Variants in CTNNA2 observed in about 807,000 individuals in gnomAD.
CTNNA2 encodes the protein catenin alpha 2.
A neutral mutation model predicts 101.0 loss-of-function variants in CTNNA2; 42 were observed. The ratio of observed to expected loss-of-function variants is 0.42; its 90% CI spans 0.32 to 0.54. The LOEUF (loss-of-function observed/expected upper bound fraction) is 0.54. Among genes scored for constraint, CTNNA2 ranks in the 20% least tolerant of loss-of-function variants. The pLI, the probability that CTNNA2 is intolerant of heterozygous loss-of-function variation, is 0.14. For synonymous variants in CTNNA2, 450 were observed against 456.4 expected (o/e 0.99, Z 0.18); for missense variants, 871 against 1,223.1 (o/e 0.71, Z 4.29).
chr2:80,174,573 C>G (rs1705280212), intron 7 of CTNNA2, among the ~76,000 whole-genome samples: 2 of 152,164 alleles, frequency 1.3e-5, no homozygotes, highest in Non-Finnish European at 2.9e-5. Context: ...GGTTGCTATT[C>G]TGAGTTCCTA....
At chr2:79,510,383 A>G (rs182307142), upstream of CTNNA2, among the ~76,000 whole-genome samples, 10 of 152,336 alleles carry the variant, frequency 6.6e-5, no homozygotes, top group East Asian at 1.9e-3. Context: ...TTAGTTTACA[A>G]TGGGGACAAA....
chr2:80,452,597 T>A (rs2149458930), intron 9 of CTNNA2, among the ~76,000 whole-genome samples: 1 of 151,746 alleles, frequency 6.6e-6, no homozygotes, highest in Non-Finnish European at 1.5e-5. Flanking sequence ...AAGCCCCTGA[T>A]GCTGGCTGGC....
chr2:79,689,327 G>C lies in CTNNA2; in HGVS notation c.102+37669G>C, dbSNP rs1849048. Among the ~76,000 whole-genome samples, 101 of 151,784 alleles carry C rather than the reference G, an allele frequency of 6.7e-4. 1 individual carries two copies. The highest frequency in any genetic ancestry group is 1.3e-4 in the Non-Finnish European group (9 of 67,862). ...TAGACATGGTTAAAGGCAGATTATC[G>C]TTGGAAAATAGAATCTGTCACAAGA... On this transcript the variant is annotated intron_variant, in intron 2 of 18. Coordinates refer to ENST00000402739, the MANE Select transcript of CTNNA2 (RefSeq NM_001282597.3).
intron 1 of CTNNA2, among the ~76,000 whole-genome samples, chr2:79,610,054 T>C (rs1573470020): frequency 6.6e-6 from 1 of 152,230 alleles, no homozygotes; most frequent in East Asian, 1.9e-4. Context: ...GTCCAGAATG[T>C]ATAAGGAACT....
chr2:79,748,023 C>T (rs1221194244), intron 3 of CTNNA2, among the ~76,000 whole-genome samples: 5 of 152,190 alleles, frequency 3.3e-5, no homozygotes, highest in Non-Finnish European at 7.4e-5. Context: ...GCACATGCCT[C>T]TCAGGTGTGA....
At chr2:79,716,083 A>G (rs75115575) in intron 2 of CTNNA2, among the ~76,000 whole-genome samples, 2 of 152,204 alleles carry the variant, frequency 1.3e-5, no homozygotes, top group South Asian at 2.1e-4. Flanking sequence ...CCACAGGGAT[A>G]TGCTCCACCT....
chr2:79,909,272 A>G (rs1309015420), intron 6 of CTNNA2, among the ~76,000 whole-genome samples: 1 of 152,220 alleles, frequency 6.6e-6, no homozygotes, highest in Non-Finnish European at 1.5e-5. Flanking sequence ...TTACACTGAA[A>G]TGTTCTTTCC....
At chr2:79,797,349 G>A (rs146227982) in intron 3 of CTNNA2, among the ~76,000 whole-genome samples, 18 of 152,188 alleles carry the variant, frequency 1.2e-4, no homozygotes, top group African/African-American at 4.1e-4. Context: ...TTAAATGGGA[G>A]ACTTCAGCTT....
intron 1 of CTNNA2, among the ~76,000 whole-genome samples, chr2:79,584,967 T>G (rs1054156570): frequency 2.4e-4 from 37 of 152,228 alleles, no homozygotes; most frequent in Non-Finnish European, 8.8e-5. Flanking sequence ...AATTAATGAT[T>G]TGGGGAAAAG....
At chr2:80,580,742 C>T (rs1005349562) in intron 13 of CTNNA2, among the ~76,000 whole-genome samples, 5 of 152,168 alleles carry the variant, frequency 3.3e-5, no homozygotes, top group Non-Finnish European at 7.4e-5. Flanking sequence ...GGGCCAGGCA[C>T]AGTGACTCAT....
At chr2:80,023,198 T>C (rs1694695718) in intron 7 of CTNNA2, among the ~76,000 whole-genome samples, 1 of 152,202 alleles carries the variant, frequency 6.6e-6, no homozygotes, top group South Asian at 2.1e-4. Flanking sequence ...CATTTTTATC[T>C]CTAACTTGTT....
chr2:79,666,535 C>T (rs57071832), intron 2 of CTNNA2, among the ~76,000 whole-genome samples: 3,535 of 152,208 alleles, frequency 0.023, 130 homozygotes, highest in African/African-American at 0.081. Flanking sequence ...TTCATCTGTT[C>T]ATTGTAGTTC....
chr2:80,173,314 G>C (rs141000760), intron 7 of CTNNA2, among the ~76,000 whole-genome samples: 1 of 152,126 alleles, frequency 6.6e-6, no homozygotes, highest in Non-Finnish European at 1.5e-5. Context: ...GTGCTTTCAT[G>C]TCTAAAATTG....
chr2:79,459,980 G>A (rs1472427773), intron 4 of CTNNA2, among the ~76,000 whole-genome samples: 1 of 151,998 alleles, frequency 6.6e-6, no homozygotes, highest in Non-Finnish European at 1.5e-5. Flanking sequence ...TCTTCCCAGG[G>A]TGGGGACTTG....
intron 9 of CTNNA2, among the ~76,000 whole-genome samples, chr2:80,544,715 T>C (rs1228784702): frequency 6.6e-6 from 1 of 152,038 alleles, no homozygotes; most frequent in African/African-American, 2.4e-5. Flanking sequence ...ATCAAGGCAG[T>C]TCATAAGAAA....
At chr2:80,545,767 TTTGA>T (rs1692005895) in intron 10 of CTNNA2, 136 bp from the exon 11 acceptor site, 1 of 696,830 alleles carries the variant, frequency 1.4e-6, no homozygotes, top group African/African-American at 1.8e-5. Flanking sequence ...CTTTTATGTG[TTTGA>T]TTGTCCTTCT....
intron 4 of CTNNA2, among the ~76,000 whole-genome samples, chr2:79,401,797 A>G (rs1360807933): frequency 6.6e-6 from 1 of 151,630 alleles, no homozygotes; most frequent in Non-Finnish European, 1.5e-5. Flanking sequence ...TTGACACTTT[A>G]TTCAAAAGAA....
intron 9 of CTNNA2, among the ~76,000 whole-genome samples, chr2:80,439,230 C>T (rs575961902): frequency 2.0e-5 from 3 of 152,174 alleles, no homozygotes; most frequent in South Asian, 4.1e-4. Flanking sequence ...TTTACCCTGT[C>T]GACAAAGACC....
At chr2:80,431,523 G>C (rs1235748705) in intron 9 of CTNNA2, among the ~76,000 whole-genome samples, 1 of 152,176 alleles carries the variant, frequency 6.6e-6, no homozygotes, top group South Asian at 2.1e-4. Flanking sequence ...TGCATTTGTG[G>C]TTGAATCTTG....
Sources: allele counts gnomAD v4.1 joint callset (sites outside exome capture counted in the v4.1 genomes callset), GRCh38; gene constraint gnomAD v4.1.1; transcripts MANE v1.5; gene names NCBI Gene and HGNC (gene_info 2026-07-23, HGNC 2026-07-21).